Variants in CARD8 observed in about 807,000 individuals in gnomAD.
CARD8 encodes caspase recruitment domain-containing protein 8.
CARD8 carries 38 observed loss-of-function variants against 53.2 expected under a neutral mutation model. The observed-to-expected ratio is 0.71, with a 90% CI of 0.55 to 0.94. The LOEUF (loss-of-function observed/expected upper bound fraction) is 0.94, where lower values mean the gene tolerates loss of function less well. CARD8 is among the 40% of genes least tolerant of loss of function. CARD8 has a pLI of 0.00. For missense variants in CARD8, 561 were observed against 655.5 expected (o/e 0.86, Z 1.57); for synonymous variants, 245 against 244.9 (o/e 1.00, Z 0.00).
At position 48,234,368 on chromosome 19, in the gene CARD8, G is replaced by A. The variant is rs188424927; in HGVS notation, c.350+35C>T. 6.9e-5 allele frequency: 109 copies of A among 1,589,586 alleles called. No individual in the cohort carries two copies. The East Asian group carries it at 1.8e-3, about 26-fold the overall frequency. On this transcript the variant is annotated intron_variant, in intron 6 of 13. Transcript: ENST00000651546. The stretch of plus-strand genomic sequence containing the variant: ...TTCCTCTGTGATATTGAGACACAGC[G>A]TCCAATAGTTTTCCAACGGAATAGC...
chr19:48,249,241 G>C (rs977030493), intron 3 of CARD8, among the ~76,000 whole-genome samples: 4 of 151,106 alleles, frequency 2.6e-5, no homozygotes, highest in Admixed American at 1.3e-4. Flanking sequence ...AATTGCATGA[G>C]ACTGCACAGC....
rs1599978440 is a variant in CARD8, at chr19:48,208,583, T to C, written c.*3127A>G. The C allele has an allele frequency of 1.3e-5, 2 of 152,036 alleles. No individual in the cohort carries two copies. Among genetic ancestry groups the C allele is most frequent in the African/African-American group, 4.8e-5 (2 of 41,370 alleles). 9.4% of individuals were successfully genotyped at this position (152,036 alleles called of 1,614,324 possible). ...AGAATACAAGGATGAGCTGCAAAAA[T>C]CTCCACTTGTCTGGCAAATGACAAC... On this transcript the variant is annotated 3_prime_UTR_variant, in exon 14 of 14. Transcript: ENST00000651546.
chr19:48,206,108 G>C (rs1599954034), downstream of CARD8, among the ~76,000 whole-genome samples: 1 of 151,956 alleles, frequency 6.6e-6, no homozygotes, highest in East Asian at 1.9e-4. Flanking sequence ...ACGTTGGCCA[G>C]GCTGGTCTCG....
intron 3 of CARD8, among the ~76,000 whole-genome samples, chr19:48,242,191 G>A (rs1209426283): frequency 1.3e-5 from 2 of 152,206 alleles, no homozygotes; most frequent in African/African-American, 2.4e-5. Context: ...ATGAGGTCAT[G>A]AGGGTGGAAT....
chr19:48,233,678 AGC>A lies in CARD8; in HGVS notation c.350+723_350+724del, dbSNP rs2043334609. The A allele has an allele frequency of 3.0e-5, 7 of 231,776 alleles. No homozygotes were observed. In the South Asian group the frequency reaches 3.5e-4, roughly 12 times the overall value. The allele number at this position is 231,776 out of a possible 1,614,324, so 14.4% of individuals were successfully genotyped here. On this transcript the variant is annotated intron_variant, in intron 6 of 13. Transcript: ENST00000651546. Reference sequence around the variant, plus strand: ...AGGAACCCAGCGCTGAACTGCAGACAGCGCATCCCAGATCATGAGAGCTGACG... The same window carrying A: ...AGGAACCCAGCGCTGAACTGCAGACAGCATCCCAGATCATGAGAGCTGACG...
rs183473284 is a variant in CARD8, at chr19:48,234,451, A to C, written c.302T>G (p.Leu101Trp). ...EDDETEAEPL[L>W]FRAVPECQLS... is the part of the protein sequence containing the mutation. Reference sequence around the variant, plus strand: ...TTGACACTCAGGAACAGCACGGAACAATAATGGCTCTGCCTCTGTCTCATC... The same window carrying C: ...TTGACACTCAGGAACAGCACGGAACCATAATGGCTCTGCCTCTGTCTCATC... Residue 101 changes from leucine (L) to tryptophan (W), a missense_variant, in exon 6 of 14, where the codon TTG (leucine) becomes TGG (tryptophan). Coordinates refer to ENST00000651546, the MANE Select transcript of CARD8 (RefSeq NM_001184900.3). The C allele has an allele frequency of 3.2e-5, 52 of 1,613,952 alleles. No individual in the cohort carries two copies. The East Asian group carries it at 1.1e-3, about 33-fold the overall frequency.
intron 3 of CARD8, 52 bp from the exon 4 acceptor site, chr19:48,241,115 T>A: frequency 2.0e-6 from 2 of 976,766 alleles, no homozygotes; most frequent in Non-Finnish European, 1.6e-6. Flanking sequence ...AACCATCAGA[T>A]AAATCTTAGC....
rs2037733989 is a variant in CARD8 at position 48,209,949 on chromosome 19, T to A, written c.*1761A>T. On this transcript the variant is annotated 3_prime_UTR_variant, in exon 14 of 14. Coordinates refer to ENST00000651546, the MANE Select transcript of CARD8 (RefSeq NM_001184900.3). ...TTTCCTATAAAGATGAAAATCAGGC[T>A]AATAAAAAGTATTTTTAGAAATTAG... 6.6e-6 allele frequency: 1 copy of A among 152,168 alleles called. No homozygotes were observed. Among genetic ancestry groups the A allele is most frequent in the Non-Finnish European group, 1.5e-5 (1 of 68,016 alleles). The allele number at this position is 152,168 out of a possible 1,614,324, so 9.4% of individuals were successfully genotyped here. A position where few individuals can be genotyped will look rare whatever the true frequency, so the allele number is the denominator to read the frequency against.
chr19:48,216,980 C>T (rs1336091134), intron 12 of CARD8, among the ~76,000 whole-genome samples: 1 of 152,042 alleles, frequency 6.6e-6, no homozygotes, highest in Non-Finnish European at 1.5e-5. Context: ...GGTCCCATCT[C>T]GGGGTGATGG....
At chr19:48,218,527 T>C (rs981345199) in intron 12 of CARD8, among the ~76,000 whole-genome samples, 1 of 152,022 alleles carries the variant, frequency 6.6e-6, no homozygotes, top group African/African-American at 2.4e-5. Flanking sequence ...GCTAATTTTG[T>C]ATGTTTAGTA....
At chr19:48,222,115 G>C (rs1398995170) in intron 10 of CARD8, among the ~76,000 whole-genome samples, 2 of 152,132 alleles carry the variant, frequency 1.3e-5, no homozygotes, top group Non-Finnish European at 2.9e-5. Context: ...TTGTGAATGT[G>C]AACTTATAAA....
At chr19:48,228,003 C>T (rs2042128371) in intron 10 of CARD8, among the ~76,000 whole-genome samples, 1 of 152,182 alleles carries the variant, frequency 6.6e-6, no homozygotes, top group Non-Finnish European at 1.5e-5. Flanking sequence ...CACTCCCCAT[C>T]ACTCACATTA....
chr19:48,212,859 G>A (rs543341359), intron 13 of CARD8: 3 of 152,314 alleles, frequency 2.0e-5, no homozygotes, highest in South Asian at 2.1e-4. Context: ...CTCCAGATGT[G>A]AGGCATGATT....
Position 48,234,490 on chromosome 19 carries a change from A to C in CARD8, c.263T>G (p.Phe88Cys). 6.2e-7 allele frequency: 1 copy of C among 1,614,034 alleles called. No homozygotes were observed. Among genetic ancestry groups the C allele is most frequent in the Non-Finnish European group, 8.5e-7 (1 of 1,179,930 alleles). ...VSETLCDISH[F>C]FQEDDETEAE... is the part of the protein sequence containing the mutation. ...CTCTGTCTCATCATCTTCTTGGAAA[A>C]AATGTGAGATGTCACAAAGGGTCTC... Residue 88 changes from phenylalanine to cysteine, a missense_variant, in exon 6 of 14, where the codon TTT (phenylalanine) becomes TGT (cysteine). Coordinates refer to ENST00000651546, the MANE Select transcript of CARD8 (RefSeq NM_001184900.3).
rs1477137523 is a variant in CARD8 at position 48,209,408 on chromosome 19, TAC to T, written c.*2300_*2301del. 1 of 151,986 alleles carries T rather than the reference TAC, an allele frequency of 6.6e-6. No homozygotes were observed. The highest frequency in any genetic ancestry group is 2.4e-5 in the African/African-American group (1 of 41,370). The allele number at this position is 151,986 out of a possible 1,614,324, so 9.4% of individuals were successfully genotyped here. On this transcript the variant is annotated 3_prime_UTR_variant, in exon 14 of 14. Transcript: ENST00000651546. ...AAATGGAAATTTTAGAACTGATACA[TAC>T]AGTGACCAAAATTTAAAAGGTGGTG... is the stretch of plus-strand genomic sequence containing the variant.
intron 3 of CARD8, among the ~76,000 whole-genome samples, chr19:48,243,808 G>C (rs34371147): frequency 2.0e-5 from 3 of 152,076 alleles, no homozygotes; most frequent in Non-Finnish European, 4.4e-5. Flanking sequence ...CTATGATGGC[G>C]CCGCTGCATT....
At chr19:48,244,882 GA>G (rs200158826) in intron 3 of CARD8, among the ~76,000 whole-genome samples, 7,659 of 151,422 alleles carry the variant, frequency 0.051, 646 homozygotes, top group African/African-American at 0.17. Flanking sequence ...CTCTTGGGGG[GA>G]AAAAAACTCC....
intron 10 of CARD8, among the ~76,000 whole-genome samples, chr19:48,224,458 T>A (rs2041330954): frequency 1.3e-5 from 2 of 152,186 alleles, no homozygotes; most frequent in Non-Finnish European, 2.9e-5. Context: ...CTTAAATACT[T>A]AAGTTTTAGA....
In CARD8 at chr19:48,241,066, GA is replaced by G; in HGVS notation, c.-43-4del. On this transcript the variant is annotated splice_region_variant and splice_polypyrimidine_tract_variant and intron_variant, in intron 3 of 13. Coordinates refer to ENST00000651546, the MANE Select transcript of CARD8 (RefSeq NM_001184900.3). The stretch of plus-strand genomic sequence containing the variant: ...GTCTTTACTGTATCTTTTTTACCCT[GA>G]AAAAATAAAAGGAGGTTGTATTTAG... 2.1e-6 allele frequency: 3 copies of G among 1,446,638 alleles called. No individual in the cohort carries two copies. The highest frequency in any genetic ancestry group is 2.8e-6 in the Non-Finnish European group (3 of 1,068,448). The allele number at this position is 1,446,638 out of a possible 1,614,324, so 89.6% of individuals were successfully genotyped here. A position where few individuals can be genotyped will look rare whatever the true frequency, so the allele number is the denominator to read the frequency against.
Sources: gnomAD v4.1 joint callset for allele counts (sites outside exome capture counted in the v4.1 genomes callset) on GRCh38, gnomAD v4.1.1 for gene constraint, MANE v1.5 for transcripts, NCBI Gene and HGNC (gene_info 2026-07-23, HGNC 2026-07-21) for gene names.